Variants in STK39 observed in about 807,000 individuals in gnomAD.
The protein encoded by STK39 is serine/threonine kinase 39.
A neutral mutation model predicts 77.8 loss-of-function variants in STK39; 20 were observed. The observed-to-expected ratio is 0.26, with a 90% CI of 0.18 to 0.37. The LOEUF (loss-of-function observed/expected upper bound fraction) is 0.37, where lower values mean the gene tolerates loss of function less well. Ranked by LOEUF, STK39 falls within the 10% of genes least tolerant of loss-of-function variation. The pLI is 1.00. For synonymous variants in STK39, 246 were observed against 234.1 expected (o/e 1.05, Z -0.47); for missense variants, 479 against 656.5 (o/e 0.73, Z 2.95).
intron 2 of STK39, among the ~76,000 whole-genome samples, chr2:168,174,323 CAGA>C (rs1688902412): frequency 2.6e-5 from 4 of 152,248 alleles, no homozygotes; most frequent in Admixed American, 2.6e-4. Flanking sequence ...GCTAACGGAA[CAGA>C]ATGAATATCC....
At chr2:168,108,572 A>G (rs539761822) in intron 10 of STK39, among the ~76,000 whole-genome samples, 9 of 144,734 alleles carry the variant, frequency 6.2e-5, no homozygotes, top group Admixed American at 6.9e-5. Flanking sequence ...AAAAGAAAAT[A>G]AAAAAAAAAA....
At chr2:168,064,146 C>T (rs1685735504) in intron 13 of STK39, among the ~76,000 whole-genome samples, 1 of 152,112 alleles carries the variant, frequency 6.6e-6, no homozygotes, top group African/African-American at 2.4e-5. Context: ...TTGGCACTGC[C>T]ACTGACCTGA....
chr2:168,241,362 A>G (rs1254449419), intron 1 of STK39, among the ~76,000 whole-genome samples: 1 of 152,168 alleles, frequency 6.6e-6, no homozygotes, highest in Non-Finnish European at 1.5e-5. Context: ...AGGTGGAGGA[A>G]AAGTGCAGTC....
chr2:168,201,701 C>T (rs1169213290), intron 1 of STK39, among the ~76,000 whole-genome samples: 2 of 152,178 alleles, frequency 1.3e-5, no homozygotes, highest in African/African-American at 2.4e-5. Flanking sequence ...GTCCATGTTT[C>T]ACTTCTGGTT....
At chr2:168,110,105 C>A (rs547987202) in intron 10 of STK39, among the ~76,000 whole-genome samples, 6 of 152,200 alleles carry the variant, frequency 3.9e-5, no homozygotes, top group Non-Finnish European at 7.4e-5. Context: ...TTAAAAATAT[C>A]TGAGCTCCAA....
chr2:168,185,288 G>A (rs1257632103), intron 1 of STK39, among the ~76,000 whole-genome samples: 2 of 152,196 alleles, frequency 1.3e-5, no homozygotes, highest in African/African-American at 2.4e-5. Context: ...ATTATGGCCT[G>A]TATGCACATA....
At chr2:168,017,738 T>TA in intron 14 of STK39, among the ~76,000 whole-genome samples, 1 of 152,122 alleles carries the variant, frequency 6.6e-6, no homozygotes, top group Non-Finnish European at 1.5e-5. Flanking sequence ...TTTTTTTTCT[T>TA]GAAAAATACT....
intron 1 of STK39, among the ~76,000 whole-genome samples, chr2:168,185,156 A>G (rs149604652): frequency 0.011 from 1,694 of 152,330 alleles, 17 homozygotes; most frequent in Non-Finnish European, 0.017. Context: ...ACTCATTAAC[A>G]TTAGTAGCAT....
intron 1 of STK39, among the ~76,000 whole-genome samples, chr2:168,183,117 G>A (rs1434299226): frequency 2.0e-5 from 3 of 152,172 alleles, no homozygotes; most frequent in Non-Finnish European, 4.4e-5. Flanking sequence ...CATTTCTAGT[G>A]CGAATCAGGG....
chr2:168,174,230 A>C (rs1437017218), intron 2 of STK39, among the ~76,000 whole-genome samples: 2 of 152,328 alleles, frequency 1.3e-5, no homozygotes, highest in South Asian at 4.1e-4. Context: ...GCAGTTATAA[A>C]AAGTGTAAAG....
Position 167,955,474 on chromosome 2 carries a change from G to A in STK39, c.*22C>T. 6.2e-7 allele frequency: 1 copy of A among 1,612,672 alleles called. No homozygotes were observed. Among genetic ancestry groups the A allele is most frequent in the Middle Eastern group, 1.7e-4 (1 of 6,058 alleles). On this transcript the variant is annotated 3_prime_UTR_variant, in exon 18 of 18. Transcript: ENST00000355999. ...GGTGGCGGTGGGGCATGACAGATCA[G>A]GGTGACATCAAGGGACATACATCAG...
At position 167,955,253 on chromosome 2, in the gene STK39, G is replaced by A. The variant is rs1691732207; in HGVS notation, c.*243C>T. The A allele has an allele frequency of 2.9e-6, 1 of 344,864 alleles. No homozygotes were observed. The highest frequency in any genetic ancestry group is 5.3e-6 in the Non-Finnish European group (1 of 187,850). The allele number at this position is 344,864 out of a possible 1,614,324, so 21.4% of individuals were successfully genotyped here. ...AAAAATGAGCAACAGTCGTGCAGCT[G>A]TGGCATTTGCTTGTTCTTGTACTGT... On this transcript the variant is annotated 3_prime_UTR_variant, in exon 18 of 18. Transcript: ENST00000355999.
intron 14 of STK39, among the ~76,000 whole-genome samples, chr2:168,032,281 G>A (rs954955713): frequency 4.6e-5 from 7 of 152,140 alleles, no homozygotes; most frequent in Admixed American, 3.3e-4. Context: ...GCTGATTTTT[G>A]TGTATGAGTC....
chr2:168,129,216 A>G (rs1047839032), intron 10 of STK39, among the ~76,000 whole-genome samples: 9 of 152,218 alleles, frequency 5.9e-5, no homozygotes, highest in Non-Finnish European at 7.3e-5. Flanking sequence ...CCTCTTCTGT[A>G]AAACCCAAAG....
chr2:167,975,238 GTATCA>G lies in STK39; in HGVS notation c.1499-10517_1499-10513del, dbSNP rs1295332065. 2.0e-5 allele frequency among the ~76,000 whole-genome samples: 3 copies of G among 152,046 alleles called. No homozygotes were observed. In the East Asian group the frequency reaches 5.8e-4, roughly 29 times the overall value. ...TTGGTTCACCTCAATTGAGTATTTGGTATCATATCCTAGGCAAACATGATTTCAAA... is the reference window on the plus strand; with the variant it reads ...TTGGTTCACCTCAATTGAGTATTTGGTATCCTAGGCAAACATGATTTCAAA... On this transcript the variant is annotated intron_variant, in intron 16 of 17. Transcript: ENST00000355999.
chr2:168,236,593 T>C (rs1356730416), intron 1 of STK39, among the ~76,000 whole-genome samples: 1 of 152,250 alleles, frequency 6.6e-6, no homozygotes, highest in Non-Finnish European at 1.5e-5. Flanking sequence ...AGGTCTAACA[T>C]GTAAGTCTTT....
At chr2:168,076,442 T>C (rs1476419343) in intron 10 of STK39, among the ~76,000 whole-genome samples, 1 of 152,178 alleles carries the variant, frequency 6.6e-6, no homozygotes, top group Non-Finnish European at 1.5e-5. Flanking sequence ...GGAGCTTCAG[T>C]AAAACCAAGG....
chr2:168,169,632 G>A (rs1315739881), intron 2 of STK39, among the ~76,000 whole-genome samples: 3 of 65,750 alleles, frequency 4.6e-5, no homozygotes, highest in Non-Finnish European at 7.3e-5. Flanking sequence ...TGCAGTGAGC[G>A]TGTGTGTGTG....
At chr2:168,009,752 C>T (rs1454269600) in intron 16 of STK39, among the ~76,000 whole-genome samples, 1 of 152,150 alleles carries the variant, frequency 6.6e-6, no homozygotes, top group African/African-American at 2.4e-5. Flanking sequence ...CTTACTCCAA[C>T]ACTCTCTAAA....
Sources: allele counts gnomAD v4.1 joint callset (sites outside exome capture counted in the v4.1 genomes callset), GRCh38; gene constraint gnomAD v4.1.1; transcripts MANE v1.5; gene names NCBI Gene and HGNC (gene_info 2026-07-23, HGNC 2026-07-21).